VLDLR: variants seen among roughly 807,000 people sequenced by gnomAD.
VLDLR encodes the protein very low-density lipoprotein receptor.
VLDLR carries 81 observed loss-of-function variants against 112.7 expected under a neutral mutation model. The observed-to-expected ratio is 0.72, with a 90% CI of 0.60 to 0.86. The LOEUF (loss-of-function observed/expected upper bound fraction) is 0.86. Ranked by LOEUF, VLDLR falls within the 40% of genes least tolerant of loss-of-function variation. The pLI, the probability that VLDLR is intolerant of heterozygous loss-of-function variation, is 0.00. For synonymous variants in VLDLR, 436 were observed against 384.8 expected (o/e 1.13, Z -1.56); for missense variants, 1,237 against 1,099.4 (o/e 1.13, Z -1.77).
At chr9:2,641,777 C>G (rs754888903) in intron 4 of VLDLR, among the ~76,000 whole-genome samples, 3 of 152,112 alleles carry the variant, frequency 2.0e-5, no homozygotes, top group Non-Finnish European at 2.9e-5. Context: ...AGGGAAGCAG[C>G]AATTGTGTGG....
chr9:2,653,898 C>A lies in VLDLR; in HGVS notation c.*30C>A. On this transcript the variant is annotated 3_prime_UTR_variant, in exon 19 of 19. Transcript: ENST00000382100. ...TGTGACAAATGTTGACCTTTGAGGT[C>A]TAAACAAATAATACCCCCGTCGGAA... 2 of 1,612,950 alleles carry A rather than the reference C, an allele frequency of 1.2e-6. No individual in the cohort carries two copies. The highest frequency in any genetic ancestry group is 2.2e-5 in the South Asian group (2 of 91,010).
chr9:2,651,591 T>A, intron 16 of VLDLR, 93 bp downstream of exon 16: 1 of 1,191,776 alleles, frequency 8.4e-7, no homozygotes, highest in Non-Finnish European at 1.2e-6. Flanking sequence ...CTTTAACTAC[T>A]ATTTCTGCCC....
At chr9:2,644,008 C>G in intron 7 of VLDLR, 49 bp downstream of exon 7, 16 of 1,613,402 alleles carry the variant, frequency 9.9e-6, no homozygotes, top group Non-Finnish European at 1.4e-5. Flanking sequence ...TTGACACAAT[C>G]CAGTATAGCT....
chr9:2,646,545 C>T lies in VLDLR; in HGVS notation c.1696C>T (p.Leu566=). ...GCCTGCCTCCATAGCTGTGGACCCA[C>T]TGTCTGGGTTTGTAGTCTGTTTTCC... ...REPASIAVDP[L]SGFVYWSDWG... is the part of the protein sequence containing the mutation. The change falls in exon 11 of 19, where the codon CTG becomes TTG. Residue 566 remains leucine, a synonymous_variant. Coordinates refer to ENST00000382100, the MANE Select transcript of VLDLR (RefSeq NM_003383.5). 2 of 1,614,112 alleles carry T rather than the reference C, an allele frequency of 1.2e-6. No individual in the cohort carries two copies. Among genetic ancestry groups the T allele is most frequent in the African/African-American group, 1.3e-5 (1 of 75,040 alleles).
chr9:2,653,065 G>T, intron 18 of VLDLR, 116 bp downstream of exon 18: 1 of 1,311,886 alleles, frequency 7.6e-7, no homozygotes, highest in South Asian at 1.2e-5. Flanking sequence ...CACTTCATCT[G>T]CTACCTGGCT....
chr9:2,637,147 T>C (rs779183099), intron 2 of VLDLR, among the ~76,000 whole-genome samples: 46 of 152,286 alleles, frequency 3.0e-4, no homozygotes, highest in Admixed American at 1.8e-3. Context: ...AGAAAGAAAG[T>C]AGAAATATTA....
At chr9:2,622,527 C>T (rs895358065) in intron 1 of VLDLR, among the ~76,000 whole-genome samples, 2 of 152,234 alleles carry the variant, frequency 1.3e-5, no homozygotes, top group African/African-American at 2.4e-5. Context: ...CTCACTCCGC[C>T]TCCCCCAGAG....
chr9:2,639,094 TAGTC>T lies in VLDLR; in HGVS notation c.203-762_203-759del, dbSNP rs533607434. Among the ~76,000 whole-genome samples the T allele has an allele frequency of 5.5e-3, 839 of 152,348 alleles. 3 individuals are homozygous for T. The highest frequency in any genetic ancestry group is 6.9e-3 in the Non-Finnish European group (470 of 68,030). ...AGGGGATGCCCCTTGAACAGTATAT[TAGTC>T]AGCTCAGACTGCTGTCACAAAAATA... On this transcript the variant is annotated intron_variant, in intron 2 of 18. Coordinates refer to ENST00000382100, the MANE Select transcript of VLDLR (RefSeq NM_003383.5).
At chr9:2,628,672 G>A (rs369589391) in intron 1 of VLDLR, among the ~76,000 whole-genome samples, 2 of 152,282 alleles carry the variant, frequency 1.3e-5, no homozygotes, top group African/African-American at 4.8e-5. Flanking sequence ...CATAGCCAGG[G>A]ATTGATGGCC....
chr9:2,643,778 A>C (rs1454647995), intron 6 of VLDLR, 28 bp downstream of exon 6: 2 of 1,614,104 alleles, frequency 1.2e-6, no homozygotes, highest in Non-Finnish European at 1.7e-6. Context: ...TTGGTTAAGC[A>C]ATGGATTGCT....
At chr9:2,648,437 C>T in intron 13 of VLDLR, 90 bp downstream of exon 13, 1 of 1,592,942 alleles carries the variant, frequency 6.3e-7, no homozygotes, top group Non-Finnish European at 8.6e-7. Context: ...GAGGGAAGAG[C>T]AGCTGAACAT....
chr9:2,647,395 T>C, intron 11 of VLDLR, 79 bp from the exon 12 acceptor site: 1 of 1,253,246 alleles, frequency 8.0e-7, no homozygotes, highest in South Asian at 1.2e-5. Context: ...CTGCTCAAAT[T>C]TTAAATTTTT....
rs1187867819 is a variant in VLDLR at position 2,645,042 on chromosome 9, C to G, written c.1272C>G (p.Gly424=). The G allele has an allele frequency of 6.2e-7, 1 of 1,614,086 alleles. No individual in the cohort carries two copies. The highest frequency in any genetic ancestry group is 1.3e-5 in the African/African-American group (1 of 74,928). The change falls in exon 9 of 19, where the codon GGC becomes GGG. Residue 424 remains glycine, a synonymous_variant. Coordinates refer to ENST00000382100, the MANE Select transcript of VLDLR (RefSeq NM_003383.5). ...GTTACAAGTGTGAATGTAGTCGTGG[C>G]TATCAAATGGATCTTGCTACTGGCG... ...KGGYKCECSR[G]YQMDLATGVC... is the part of the protein sequence containing the mutation.
Position 2,641,391 on chromosome 9 carries a change from C to A in VLDLR, c.340C>A (p.Arg114Ser). 1 of 1,614,124 alleles carries A rather than the reference C, an allele frequency of 6.2e-7. No homozygotes were observed. The highest frequency in any genetic ancestry group is 1.1e-5 in the South Asian group (1 of 91,080). The change falls in exon 4 of 19, where the codon CGC becomes AGC. Residue 114 changes from arginine (R) to serine (S), a missense_variant. Physicochemically the swap from Arg to Ser is moderately radical, Grantham distance 110. Transcript: ENST00000382100. ...ATCATCAACAGATATGAGAACATGC[C>A]GCATACATGAAATCAGCTGTGGCGC... is the stretch of plus-strand genomic sequence containing the variant. ...SPEQCHMRTC[R>S]IHEISCGAHS... is the part of the protein sequence containing the mutation.
chr9:2,648,501 C>T (rs965776618), intron 13 of VLDLR, among the ~76,000 whole-genome samples, 154 bp downstream of exon 13: 1 of 152,216 alleles, frequency 6.6e-6, no homozygotes, highest in Non-Finnish European at 1.5e-5. Context: ...CACTAAGTCC[C>T]AGAAGCACTC....
Position 2,657,078 on chromosome 9 carries a change from T to C in VLDLR, c.*3210T>C, listed in dbSNP as rs1818638842. 6.6e-6 allele frequency: 1 copy of C among 151,832 alleles called. No individual in the cohort carries two copies. The highest frequency in any genetic ancestry group is 1.5e-5 in the Non-Finnish European group (1 of 67,976). The allele number at this position is 151,832 out of a possible 1,614,324, so 9.4% of individuals were successfully genotyped here. On this transcript the variant is annotated 3_prime_UTR_variant, in exon 19 of 19. Coordinates refer to ENST00000382100, the MANE Select transcript of VLDLR (RefSeq NM_003383.5). ...CTTTAAATAGCAAACTACAGGGTAT[T>C]AAAAGACTAACTCTTCAGTTAAGAA...
intron 1 of VLDLR, among the ~76,000 whole-genome samples, chr9:2,634,919 T>C (rs939397622): frequency 6.6e-6 from 1 of 152,190 alleles, no homozygotes; most frequent in African/African-American, 2.4e-5. Context: ...GGACAAGAAA[T>C]GCCATTAAAG....
chr9:2,630,029 G>T (rs1053934248), intron 1 of VLDLR, among the ~76,000 whole-genome samples: 1 of 152,150 alleles, frequency 6.6e-6, no homozygotes, highest in African/African-American at 2.4e-5. Context: ...CCTGACCTCA[G>T]GTGATCTGCC....
At chr9:2,636,147 C>G (rs1817593303) in intron 2 of VLDLR, among the ~76,000 whole-genome samples, 1 of 152,154 alleles carries the variant, frequency 6.6e-6, no homozygotes, top group Non-Finnish European at 1.5e-5. Flanking sequence ...CAATCAGCAT[C>G]TATTAAAAGA....
Sources: gnomAD v4.1 joint callset for allele counts (sites outside exome capture counted in the v4.1 genomes callset) on GRCh38, gnomAD v4.1.1 for gene constraint, MANE v1.5 for transcripts, NCBI Gene and HGNC (gene_info 2026-07-23, HGNC 2026-07-21) for gene names.